The following DNAH9 variants were observed in gnomAD, a reference collection of about 807,000 sequenced individuals.
DNAH9 encodes dynein axonemal heavy chain 9.
In DNAH9, 345 loss-of-function variants were observed where a neutral mutation model predicts 471.6. The observed-to-expected ratio is 0.73, with a 90% CI of 0.67 to 0.80. The LOEUF (loss-of-function observed/expected upper bound fraction) is 0.80. Among genes scored for constraint, DNAH9 ranks in the 30% least tolerant of loss-of-function variants. The pLI is 0.00. For missense variants in DNAH9, 5,407 were observed against 5,609.2 expected (o/e 0.96, Z 1.15); for synonymous variants, 2,093 against 2,123.6 (o/e 0.99, Z 0.40).
At position 11,843,859 on chromosome 17, in the gene DNAH9, G is replaced by GTATA. The variant is rs1490566898; in HGVS notation, c.9507+8962_9507+8963insATAT. Among the ~76,000 whole-genome samples, 264 of 46,964 alleles carry GTATA rather than the reference G, an allele frequency of 5.6e-3. 4 individuals carry two copies. In the East Asian group the frequency reaches 0.06, roughly 11 times the overall value. 30.8% of individuals were successfully genotyped at this position (46,964 alleles called of 152,430 possible). On this transcript the variant is annotated intron_variant, in intron 49 of 68. Transcript: ENST00000262442. ...TATGTGTTTGTGTGTGTGTGTGTGT[G>GTATA]TGTGTATATATATATATATATATAT... is the stretch of plus-strand genomic sequence containing the variant.
intron 48 of DNAH9, among the ~76,000 whole-genome samples, chr17:11,831,755 A>G (rs185971430): frequency 2.0e-5 from 3 of 152,306 alleles, no homozygotes; most frequent in East Asian, 1.9e-4. Flanking sequence ...TTTATGCCCA[A>G]GCTGACTGGA....
intron 52 of DNAH9, among the ~76,000 whole-genome samples, chr17:11,872,793 G>A (rs1320334877): frequency 5.9e-5 from 9 of 152,166 alleles, no homozygotes; most frequent in Admixed American, 5.2e-4. Context: ...GGTGGCGGGC[G>A]CCTGTAATCC....
chr17:11,698,152 T>TTAATATAATTA lies in DNAH9; in HGVS notation c.4873-1577_4873-1576insATATAATTATA, dbSNP rs1567728387. Among the ~76,000 whole-genome samples the TTAATATAATTA allele has an allele frequency of 6.8e-4, 27 of 39,724 alleles. 1 individual carries two copies. The South Asian group carries it at 0.022, about 33-fold the overall frequency. The allele number at this position is 39,724 out of a possible 152,430, so 26.1% of individuals were successfully genotyped here. A position where few individuals can be genotyped will look rare whatever the true frequency, so the allele number is the denominator to read the frequency against. ...TATATAATTATATATTAGTATTATATTATTAATATATTATTATATTAATAT... is the reference window on the plus strand; with the variant it reads ...TATATAATTATATATTAGTATTATATTAATATAATTATATTAATATATTATTATATTAATAT... On this transcript the variant is annotated intron_variant, in intron 22 of 68. Coordinates refer to ENST00000262442, the MANE Select transcript of DNAH9 (RefSeq NM_001372.4).
intron 15 of DNAH9, among the ~76,000 whole-genome samples, chr17:11,666,885 C>T (rs17529108): frequency 0.28 from 41,972 of 152,048 alleles, 6,869 homozygotes; most frequent in Middle Eastern, 0.4. Flanking sequence ...GCAGGGGCTT[C>T]TATGACATTG....
At position 11,701,213 on chromosome 17, in the gene DNAH9, C is replaced by A; in HGVS notation, c.5117C>A (p.Pro1706Gln). ...TEGVTAYEEK[P>Q]REQWLFDHPA... ...GGTGTAACTGCCTATGAAGAAAAGC[C>A]GAGGGAGCAGTGGCTTTTTGACCAC... The change falls in exon 24 of 69, where the codon CCG becomes CAG. Residue 1706 changes from proline to glutamine, a missense_variant. Physicochemically the swap from Pro to Gln is moderately conservative, Grantham distance 76. Coordinates refer to ENST00000262442, the MANE Select transcript of DNAH9 (RefSeq NM_001372.4). 1.9e-6 allele frequency: 3 copies of A among 1,613,806 alleles called. No individual in the cohort carries two copies. The highest frequency in any genetic ancestry group is 2.5e-6 in the Non-Finnish European group (3 of 1,179,946).
chr17:11,783,814 TA>T, intron 40 of DNAH9, 66 bp downstream of exon 40: 2 of 1,341,186 alleles, frequency 1.5e-6, no homozygotes, highest in Non-Finnish European at 1.1e-6. Context: ...CCCTTGATTA[TA>T]AGTATAATAA....
chr17:11,631,993 C>A (rs959607178), intron 7 of DNAH9, among the ~76,000 whole-genome samples: 1 of 150,182 alleles, frequency 6.7e-6, no homozygotes, highest in Non-Finnish European at 1.5e-5. Flanking sequence ...AAAAAAAATT[C>A]TTGTTTACCT....
intron 32 of DNAH9, among the ~76,000 whole-genome samples, chr17:11,751,261 A>G (rs1967139046): frequency 6.6e-6 from 1 of 152,008 alleles, no homozygotes; most frequent in Non-Finnish European, 1.5e-5. Context: ...GATAACTCTG[A>G]AATTATCTTA....
intron 28 of DNAH9, among the ~76,000 whole-genome samples, chr17:11,731,213 T>C (rs2075263253): frequency 6.6e-6 from 1 of 151,938 alleles, no homozygotes; most frequent in South Asian, 2.1e-4. Flanking sequence ...GTGAGAATGA[T>C]GGGGATGGTG....
chr17:11,755,950 G>C (rs1346588031), intron 33 of DNAH9, among the ~76,000 whole-genome samples: 1 of 152,154 alleles, frequency 6.6e-6, no homozygotes, highest in Non-Finnish European at 1.5e-5. Flanking sequence ...AGCAGACAGA[G>C]AGAATGAGAG....
intron 28 of DNAH9, among the ~76,000 whole-genome samples, chr17:11,729,519 G>A (rs1207479215): frequency 6.6e-6 from 1 of 152,148 alleles, no homozygotes; most frequent in Non-Finnish European, 1.5e-5. Context: ...GCACAGTACA[G>A]AAAAAGGAAA....
At chr17:11,956,925 G>C (rs1300791361) in intron 67 of DNAH9, among the ~76,000 whole-genome samples, 2 of 150,752 alleles carry the variant, frequency 1.3e-5, no homozygotes, top group Non-Finnish European at 3.0e-5. Context: ...AAATAATAAA[G>C]AGTAGAATTA....
chr17:11,870,134 G>C (rs1396137812), intron 51 of DNAH9, among the ~76,000 whole-genome samples: 2 of 152,210 alleles, frequency 1.3e-5, no homozygotes, highest in South Asian at 2.1e-4. Context: ...GAAGTGGAAA[G>C]TCCCAGTATC....
intron 54 of DNAH9, among the ~76,000 whole-genome samples, chr17:11,880,695 C>T (rs1387864810): frequency 6.6e-6 from 1 of 152,066 alleles, no homozygotes; most frequent in Non-Finnish European, 1.5e-5. Flanking sequence ...GTATGAAGGG[C>T]AGAGTAATTA....
chr17:11,687,364 A>G (rs1348342813), intron 19 of DNAH9, among the ~76,000 whole-genome samples: 2 of 152,228 alleles, frequency 1.3e-5, no homozygotes, highest in African/African-American at 4.8e-5. Flanking sequence ...ATTCTGTTGC[A>G]TGGCAATTAG....
intron 50 of DNAH9, 107 bp downstream of exon 50, chr17:11,854,535 A>G (rs1971554985): frequency 5.2e-6 from 7 of 1,334,190 alleles, no homozygotes; most frequent in South Asian, 1.6e-5. Flanking sequence ...GAGAAGCAGG[A>G]AAACCACATT....
At chr17:11,858,560 C>G (rs1487583902) in intron 50 of DNAH9, among the ~76,000 whole-genome samples, 1 of 152,118 alleles carries the variant, frequency 6.6e-6, no homozygotes, top group African/African-American at 2.4e-5. Flanking sequence ...CTATTTTTTT[C>G]AACACTAGAC....
intron 45 of DNAH9, among the ~76,000 whole-genome samples, chr17:11,814,621 T>G (rs1288998699): frequency 6.6e-6 from 1 of 152,216 alleles, no homozygotes; most frequent in Non-Finnish European, 1.5e-5. Flanking sequence ...CTGTGCAGTC[T>G]CATGGAAGAG....
At position 11,854,299 on chromosome 17, in the gene DNAH9, G is replaced by A; in HGVS notation, c.9804G>A (p.Trp3268Ter). ...KSYAAAGLCS[W>*]VINIVRFYEV... is the part of the protein sequence containing the mutation. ...ATGCGGCTGCAGGCCTCTGCTCCTG[G>A]GTCATCAATATTGTGAGATTTTATG... The change falls in exon 50 of 69, where the codon TGG (tryptophan) becomes TGA (stop). Residue 3268 changes from tryptophan (W) to a stop codon, truncating the protein, a stop_gained. Transcript: ENST00000262442. LOFTEE classifies it high-confidence loss of function. The A allele has an allele frequency of 6.2e-7, 1 of 1,614,136 alleles. No homozygotes were observed. Among genetic ancestry groups the A allele is most frequent in the Non-Finnish European group, 8.5e-7 (1 of 1,180,024 alleles).
Sources: gnomAD v4.1 joint callset for allele counts (sites outside exome capture counted in the v4.1 genomes callset) on GRCh38, gnomAD v4.1.1 for gene constraint, MANE v1.5 for transcripts, NCBI Gene and HGNC (gene_info 2026-07-23, HGNC 2026-07-21) for gene names.